Variants in OCA2 observed in about 807,000 individuals in gnomAD.
OCA2 encodes P protein.
In OCA2, 77 loss-of-function variants were observed where a neutral mutation model predicts 100.2. The ratio of observed to expected loss-of-function variants is 0.77; its 90% CI spans 0.64 to 0.93. The LOEUF (loss-of-function observed/expected upper bound fraction) is 0.93. OCA2 is among the 40% of genes least tolerant of loss of function. The probability of loss-of-function intolerance (pLI) is 0.00; values close to 1 mark genes in which losing one functional copy is unlikely to be tolerated. For synonymous variants in OCA2, 432 were observed against 439.2 expected, an observed-to-expected ratio of 0.98 and a Z score of 0.21; for missense variants, 1,062 against 1,089.1, an observed-to-expected ratio of 0.98 and a Z score of 0.35.
chr15:28,083,719 TA>T (rs1377248406), intron 1 of OCA2, among the ~76,000 whole-genome samples: 4 of 152,206 alleles, frequency 2.6e-5, no homozygotes, highest in Admixed American at 1.3e-4. Context: ...AATACCAATT[TA>T]AAAGCACCAT....
At chr15:27,931,807 T>C (rs1235916605) in intron 18 of OCA2, among the ~76,000 whole-genome samples, 2 of 152,242 alleles carry the variant, frequency 1.3e-5, no homozygotes, top group Admixed American at 6.5e-5. Context: ...AACTACCCTT[T>C]TGTCTCCTAC....
chr15:27,742,221 G>A, the OCA2 span, among the ~76,000 whole-genome samples: 16 of 152,294 alleles, frequency 1.1e-4, no homozygotes, highest in South Asian at 2.7e-3. Flanking sequence ...GTGGAAGGGC[G>A]GTGAGAGTGG....
rs191786456 is a variant in OCA2 at position 28,084,226 on chromosome 15, G to A, written c.-21-2331C>T. On this transcript the variant is annotated intron_variant, in intron 1 of 23. Coordinates refer to ENST00000354638, the MANE Select transcript of OCA2 (RefSeq NM_000275.3). ...GGAATCTGTTGGTGCTGTGATCTGA[G>A]ACTTCACAGCCTCCCAAACTGTGAG... Among the ~76,000 whole-genome samples, 250 of 152,328 alleles carry A rather than the reference G, an allele frequency of 1.6e-3. 1 individual carries two copies. Among genetic ancestry groups the A allele is most frequent in the African/African-American group, 5.7e-3 (239 of 41,570 alleles).
At chr15:27,952,880 A>C (rs1272348351) in intron 17 of OCA2, among the ~76,000 whole-genome samples, 1 of 151,902 alleles carries the variant, frequency 6.6e-6, no homozygotes, top group Non-Finnish European at 1.5e-5. Context: ...ATAGGGTTTC[A>C]CCATGTTGCC....
At chr15:28,070,242 C>G (rs1329589504) in intron 2 of OCA2, among the ~76,000 whole-genome samples, 1 of 138,666 alleles carries the variant, frequency 7.2e-6, no homozygotes, top group African/African-American at 3.1e-5. Flanking sequence ...GCCTCTCCGC[C>G]CGGCAGCCAC....
chr15:27,946,257 A>C (rs1438767828), intron 18 of OCA2, among the ~76,000 whole-genome samples: 1 of 152,220 alleles, frequency 6.6e-6, no homozygotes, highest in Non-Finnish European at 1.5e-5. Context: ...GTGTTAAAGC[A>C]AGCTAACGAT....
intron 23 of OCA2, among the ~76,000 whole-genome samples, chr15:27,793,765 C>T (rs901594215): frequency 6.6e-6 from 1 of 152,242 alleles, no homozygotes; most frequent in Non-Finnish European, 1.5e-5. Context: ...CCTGGGGCGA[C>T]TTTGTGTAGC....
chr15:27,892,288 T>G (rs1230686034), intron 19 of OCA2, among the ~76,000 whole-genome samples: 3 of 151,866 alleles, frequency 2.0e-5, no homozygotes, highest in African/African-American at 7.3e-5. Flanking sequence ...CATGAAAGAT[T>G]TACCAAGATG....
intron 14 of OCA2, among the ~76,000 whole-genome samples, chr15:27,972,892 G>C (rs2040850191): frequency 7.0e-6 from 1 of 142,514 alleles, no homozygotes; most frequent in Admixed American, 7.2e-5. Flanking sequence ...TTGTGACAGA[G>C]TCTCTCTTTC....
chr15:27,811,910 A>T (rs1392308980), intron 23 of OCA2, among the ~76,000 whole-genome samples: 1 of 152,242 alleles, frequency 6.6e-6, no homozygotes, highest in African/African-American at 2.4e-5. Flanking sequence ...CTCAGCAAAC[A>T]GGAGCCCCTC....
At chr15:28,090,792 G>C (rs981907088) in intron 1 of OCA2, among the ~76,000 whole-genome samples, 2 of 151,708 alleles carry the variant, frequency 1.3e-5, no homozygotes, top group Non-Finnish European at 1.5e-5. Context: ...AAAAAGAAGA[G>C]GAAAATAAAC....
chr15:27,738,442 A>G, the OCA2 span, among the ~76,000 whole-genome samples: 2 of 152,188 alleles, frequency 1.3e-5, no homozygotes, highest in African/African-American at 4.8e-5. Context: ...ACTTATAAGA[A>G]GCTCAACGCC....
intron 19 of OCA2, among the ~76,000 whole-genome samples, chr15:27,922,105 T>C (rs1466838757): frequency 6.6e-6 from 1 of 152,238 alleles, no homozygotes. Context: ...GTGAATCATC[T>C]GTCAGAAATA....
At chr15:27,771,076 C>T (rs905121894) in intron 23 of OCA2, among the ~76,000 whole-genome samples, 3 of 149,902 alleles carry the variant, frequency 2.0e-5, no homozygotes, top group African/African-American at 7.4e-5. Context: ...CCCTCCCTTC[C>T]TCCCTCCCTC....
chr15:27,878,909 T>C (rs564883631), intron 19 of OCA2, among the ~76,000 whole-genome samples: 4 of 152,164 alleles, frequency 2.6e-5, no homozygotes, highest in African/African-American at 4.8e-5. Context: ...GTTTATTACA[T>C]AGGTAAATGT....
At chr15:27,922,732 T>C (rs2038909317) in intron 19 of OCA2, among the ~76,000 whole-genome samples, 1 of 151,782 alleles carries the variant, frequency 6.6e-6, no homozygotes, top group Admixed American at 6.6e-5. Context: ...TTTCTGTGTT[T>C]GTTTCTCCCA....
chr15:28,094,221 C>T (rs75242645), intron 1 of OCA2, among the ~76,000 whole-genome samples: 1,776 of 152,290 alleles, frequency 0.012, 26 homozygotes, highest in African/African-American at 0.041. Context: ...CACACTAGCA[C>T]ACAGCCCGTC....
chr15:27,740,475 A>ATC, the OCA2 span, among the ~76,000 whole-genome samples: 1,253 of 152,264 alleles, frequency 8.2e-3, 12 homozygotes, highest in African/African-American at 0.029. Flanking sequence ...GCATCTGGTC[A>ATC]TCTCTCCACT....
At chr15:28,062,033 T>C (rs7179419) in intron 2 of OCA2, among the ~76,000 whole-genome samples, 38,127 of 152,206 alleles carry the variant, frequency 0.25, 7,490 homozygotes, top group East Asian at 0.67. Context: ...TGAACACATA[T>C]GCACAAGTTT....
Sources: allele counts gnomAD v4.1 joint callset (sites outside exome capture counted in the v4.1 genomes callset), GRCh38; gene constraint gnomAD v4.1.1; transcripts MANE v1.5; gene names NCBI Gene and HGNC (gene_info 2026-07-23, HGNC 2026-07-21).